Variants in CD44 observed in about 807,000 individuals in gnomAD.
CD44 encodes the protein CD44 molecule (IN blood group).
A neutral mutation model predicts 88.8 loss-of-function variants in CD44; 49 were observed. That is an observed-to-expected ratio of 0.55 (90% CI 0.44 to 0.70). The LOEUF is 0.70. CD44 is among the 30% of genes least tolerant of loss of function. The pLI is 0.00. For synonymous variants in CD44, 325 were observed against 312.3 expected, an observed-to-expected ratio of 1.04 and a Z score of -0.43; for missense variants, 883 against 913.8, an observed-to-expected ratio of 0.97 and a Z score of 0.43.
chr11:35,222,607 AT>A, intron 17 of CD44: 1 of 618,680 alleles, frequency 1.6e-6, no homozygotes, highest in Non-Finnish European at 2.0e-6. Context: ...TAATATATAT[AT>A]ATATATATAC....
At chr11:35,209,193 C>CAG (rs3047471) in intron 12 of CD44, among the ~76,000 whole-genome samples, 8,233 of 152,154 alleles carry the variant, frequency 0.054, 797 homozygotes, top group African/African-American at 0.19. Flanking sequence ...ACCTGCAACT[C>CAG]AGGTCAGTAC....
intron 2 of CD44, among the ~76,000 whole-genome samples, chr11:35,178,091 A>C (rs763193874): frequency 3.2e-4 from 48 of 152,240 alleles, no homozygotes; most frequent in Non-Finnish European, 5.7e-4. Context: ...CTTGCACTGT[A>C]GGATGCAATG....
chr11:35,162,029 G>A (rs1424645189), intron 1 of CD44, among the ~76,000 whole-genome samples: 7 of 151,960 alleles, frequency 4.6e-5, no homozygotes, highest in South Asian at 2.1e-4. Context: ...TGAAATTACC[G>A]TATTCATGTA....
intron 1 of CD44, among the ~76,000 whole-genome samples, chr11:35,168,908 C>T (rs1376448607): frequency 6.6e-6 from 1 of 152,188 alleles, no homozygotes; most frequent in African/African-American, 2.4e-5. Flanking sequence ...GAGATGATAG[C>T]TTGCACATTC....
intron 3 of CD44, among the ~76,000 whole-genome samples, chr11:35,182,210 A>C (rs1392160959): frequency 2.0e-5 from 3 of 151,202 alleles, no homozygotes; most frequent in South Asian, 2.1e-4. Context: ...ACTAAAAAAA[A>C]CCCAAAAATT....
At position 35,180,165 on chromosome 11, in the gene CD44, G is replaced by A. The variant is rs1023041442; in HGVS notation, c.234-109G>A. On this transcript the variant is annotated intron_variant, in intron 2 of 17. Transcript: ENST00000428726. ...GTTGTTGAAACCTCCGATATCCCTAGGGGTGAACTGAATGAAGTGTTGCAC... is the reference window on the plus strand; with the variant it reads ...GTTGTTGAAACCTCCGATATCCCTAAGGGTGAACTGAATGAAGTGTTGCAC... The A allele has an allele frequency of 3.6e-6, 4 of 1,097,576 alleles. No homozygotes were observed. In the African/African-American group the frequency reaches 6.2e-5, roughly 17 times the overall value. The allele number at this position is 1,097,576 out of a possible 1,614,324, so 68.0% of individuals were successfully genotyped here.
chr11:35,215,773 G>T (rs1948782961), intron 15 of CD44, among the ~76,000 whole-genome samples: 1 of 151,912 alleles, frequency 6.6e-6, no homozygotes, highest in Non-Finnish European at 1.5e-5. Flanking sequence ...TCAGGAGGCT[G>T]AGGCAGGAGA....
intron 5 of CD44, among the ~76,000 whole-genome samples, chr11:35,194,594 G>A (rs931478813): frequency 1.3e-5 from 2 of 152,170 alleles, no homozygotes; most frequent in Non-Finnish European, 2.9e-5. Flanking sequence ...AGACCTTTTA[G>A]TGTTAGGGGA....
intron 1 of CD44, among the ~76,000 whole-genome samples, chr11:35,164,047 T>C (rs1324659143): frequency 1.3e-5 from 2 of 152,074 alleles, no homozygotes; most frequent in Admixed American, 1.3e-4. Flanking sequence ...TGGCACACAG[T>C]AGGTACTCTA....
chr11:35,224,558 G>A (rs1008105343), intron 17 of CD44, among the ~76,000 whole-genome samples: 17 of 152,124 alleles, frequency 1.1e-4, no homozygotes, highest in African/African-American at 3.6e-4. Flanking sequence ...GCAACATGGC[G>A]AAACCCCATC....
intron 1 of CD44, among the ~76,000 whole-genome samples, chr11:35,143,693 C>T (rs916271795): frequency 1.0e-4 from 15 of 150,270 alleles, no homozygotes; most frequent in Non-Finnish European, 1.9e-4. Context: ...TCTCTCCATC[C>T]CCGGCAGGCT....
At chr11:35,186,735 G>T in intron 3 of CD44, 97 bp from the exon 4 acceptor site, 1 of 746,882 alleles carries the variant, frequency 1.3e-6, no homozygotes, top group Admixed American at 1.9e-5. Flanking sequence ...TTTGGAATAA[G>T]TTATAGTAAA....
intron 17 of CD44, among the ~76,000 whole-genome samples, chr11:35,226,647 CA>C (rs137888476): frequency 0.029 from 4,479 of 152,200 alleles, 210 homozygotes; most frequent in African/African-American, 0.1. Context: ...GCAAGAATAA[CA>C]ATTATTTCCT....
At chr11:35,155,939 C>T (rs1941807386) in intron 1 of CD44, among the ~76,000 whole-genome samples, 2 of 152,122 alleles carry the variant, frequency 1.3e-5, no homozygotes, top group Admixed American at 1.3e-4. Context: ...TTACTGGCCT[C>T]CTGTATGGGA....
At chr11:35,163,201 G>C (rs1942848809) in intron 1 of CD44, among the ~76,000 whole-genome samples, 2 of 151,616 alleles carry the variant, frequency 1.3e-5, no homozygotes, top group African/African-American at 4.8e-5. Flanking sequence ...AAGGTAAATT[G>C]TAAGTAAGAG....
chr11:35,157,527 A>T (rs1016267741), intron 1 of CD44, among the ~76,000 whole-genome samples: 2 of 151,868 alleles, frequency 1.3e-5, no homozygotes, highest in Admixed American at 6.6e-5. Flanking sequence ...TATATCTATC[A>T]TCTATCTATA....
chr11:35,206,289 C>A, intron 11 of CD44, 46 bp downstream of exon 11: 1 of 1,541,938 alleles, frequency 6.5e-7, no homozygotes, highest in Non-Finnish European at 8.8e-7. Context: ...TTGAAATCCA[C>A]TGAGTGACTG....
intron 15 of CD44, among the ~76,000 whole-genome samples, chr11:35,217,023 G>T (rs1739286759): frequency 6.6e-6 from 1 of 152,198 alleles, no homozygotes; most frequent in African/African-American, 2.4e-5. Flanking sequence ...AATATCAAGT[G>T]CTCCTCTTTG....
chr11:35,145,854 T>C (rs1437298672), intron 1 of CD44, among the ~76,000 whole-genome samples: 1 of 152,212 alleles, frequency 6.6e-6, no homozygotes, highest in Non-Finnish European at 1.5e-5. Flanking sequence ...GACCAGATAC[T>C]ACCATAGCTT....
Sources: allele counts gnomAD v4.1 joint callset (sites outside exome capture counted in the v4.1 genomes callset), GRCh38; gene constraint gnomAD v4.1.1; transcripts MANE v1.5; gene names NCBI Gene and HGNC (gene_info 2026-07-23, HGNC 2026-07-21).